Variants in PCDHA2 observed in about 807,000 individuals in gnomAD.
The protein encoded by PCDHA2 is protocadherin alpha-2.
Under a neutral mutation model 66.0 loss-of-function variants are expected in PCDHA2, and 58 were observed. The observed-to-expected ratio is 0.88, with a 90% confidence interval of 0.71 to 1.09. The LOEUF (loss-of-function observed/expected upper bound fraction) is 1.09. Among genes scored for constraint, PCDHA2 ranks in the 50% least tolerant of loss-of-function variants. The pLI is 0.00. For synonymous variants in PCDHA2, 634 were observed against 554.0 expected, an observed-to-expected ratio of 1.14 and a Z score of -2.03; for missense variants, 1,267 against 1,242.3, an observed-to-expected ratio of 1.02 and a Z score of -0.30.
intron 1 of PCDHA2, chr5:140,861,672 A>G (rs1581618530): frequency 4.0e-6 from 1 of 248,596 alleles, no homozygotes; most frequent in East Asian, 1.1e-4. Context: ...GCTCTTGATT[A>G]TCGTGTTTCA....
chr5:140,829,210 C>T (rs2150163892), intron 1 of PCDHA2: 28 of 1,614,110 alleles, frequency 1.7e-5, no homozygotes, highest in African/African-American at 6.7e-5. Flanking sequence ...CCCTAATTAG[C>T]GTGAACGACC....
intron 1 of PCDHA2, chr5:140,870,136 A>G: frequency 6.2e-7 from 1 of 1,614,024 alleles, no homozygotes; most frequent in Non-Finnish European, 8.5e-7. Flanking sequence ...CACCAACGAT[A>G]ACTCTCCTGA....
Position 140,857,604 on chromosome 5 carries a change from T to C in PCDHA2, c.2388+60252T>C, listed in dbSNP as rs1294714828. On this transcript the variant is annotated intron_variant, in intron 1 of 3. Transcript: ENST00000526136. ...GCGGAGAGCGGCAAGGTGTACGCGC[T>C]GCAGCCGCTGGACCACGAGGAGCTG... 5.0e-6 allele frequency: 8 copies of C among 1,596,244 alleles called. 1 individual carries two copies. Among genetic ancestry groups the C allele is most frequent in the Non-Finnish European group, 6.9e-6 (8 of 1,167,658 alleles).
rs782413772 is a variant in PCDHA2, at chr5:140,809,173, G to A, written c.2388+11821G>A. ...ACGGCGAGCCCGCGCTGACGGCCAC[G>A]GCCACTGTGCTGGTGTCACTTGTGG... On this transcript the variant is annotated intron_variant, in intron 1 of 3. Coordinates refer to ENST00000526136, the MANE Select transcript of PCDHA2 (RefSeq NM_018905.3). 4.3e-6 allele frequency: 7 copies of A among 1,613,974 alleles called. No homozygotes were observed. In the South Asian group the frequency reaches 6.6e-5, roughly 15 times the overall value.
At chr5:140,987,429 G>A (rs1402576200) in intron 3 of PCDHA2, among the ~76,000 whole-genome samples, 1 of 152,096 alleles carries the variant, frequency 6.6e-6, no homozygotes, top group Non-Finnish European at 1.5e-5. Context: ...GAAGCAGGGG[G>A]CCTTTCCCCA....
rs576230620 is a variant in PCDHA2 at position 140,948,680 on chromosome 5, T to C, written c.2389-30269T>C. 2.0e-5 allele frequency among the ~76,000 whole-genome samples: 3 copies of C among 151,762 alleles called. No homozygotes were observed. The South Asian group carries it at 6.2e-4, about 31-fold the overall frequency. On this transcript the variant is annotated intron_variant, in intron 1 of 3. Coordinates refer to ENST00000526136, the MANE Select transcript of PCDHA2 (RefSeq NM_018905.3). Reference sequence around the variant, plus strand: ...ATCTGTAGTGATAACATCTTTTTCATTTTTGATATTGGTGATTTGTGTTCT... The same window carrying C: ...ATCTGTAGTGATAACATCTTTTTCACTTTTGATATTGGTGATTTGTGTTCT...
intron 3 of PCDHA2, among the ~76,000 whole-genome samples, chr5:140,988,745 G>A (rs943188955): frequency 3.9e-5 from 6 of 152,152 alleles, no homozygotes; most frequent in Non-Finnish European, 5.9e-5. Flanking sequence ...TCTAGGATTG[G>A]TGGCCTGGGC....
chr5:140,851,225 C>G, intron 1 of PCDHA2: 4 of 1,141,878 alleles, frequency 3.5e-6, no homozygotes, highest in Non-Finnish European at 3.3e-6. Context: ...ACATCACTAT[C>G]ATTTATTTAT....
chr5:140,828,490 C>T (rs1338028540), intron 1 of PCDHA2: 1 of 1,614,054 alleles, frequency 6.2e-7, no homozygotes, highest in Non-Finnish European at 8.5e-7. Context: ...CGCCCTTGTT[C>T]CCGGTAGAGG....
At chr5:140,995,653 G>A (rs964259982) in intron 3 of PCDHA2, among the ~76,000 whole-genome samples, 1 of 152,100 alleles carries the variant, frequency 6.6e-6, no homozygotes, top group Non-Finnish European at 1.5e-5. Context: ...AAGGAGAATC[G>A]AAAAGGGAAG....
At position 140,804,926 on chromosome 5, in the gene PCDHA2, A is replaced by G. The variant is rs1763480096; in HGVS notation, c.2388+7574A>G. 5.8e-6 allele frequency: 6 copies of G among 1,032,312 alleles called. No homozygotes were observed. In the East Asian group the frequency reaches 1.8e-4, roughly 30 times the overall value. 63.9% of individuals were successfully genotyped at this position (1,032,312 alleles called of 1,614,324 possible). A position where few individuals can be genotyped will look rare whatever the true frequency, so the allele number is the denominator to read the frequency against. On this transcript the variant is annotated intron_variant, in intron 1 of 3. Transcript: ENST00000526136. Reference sequence around the variant, plus strand: ...CATTTTCTTTATTTCCTTTTTTGGCACTATCCTTTGTTGCTCCCTTGTCCA... The same window carrying G: ...CATTTTCTTTATTTCCTTTTTTGGCGCTATCCTTTGTTGCTCCCTTGTCCA...
chr5:140,910,055 T>A (rs1554194090), intron 1 of PCDHA2, among the ~76,000 whole-genome samples: 1 of 152,218 alleles, frequency 6.6e-6, no homozygotes, highest in Non-Finnish European at 1.5e-5. Flanking sequence ...TAATAAGTGA[T>A]CTTTTAACAG....
At chr5:140,837,445 G>A (rs1228498805) in intron 1 of PCDHA2, among the ~76,000 whole-genome samples, 1 of 151,888 alleles carries the variant, frequency 6.6e-6, no homozygotes, top group Non-Finnish European at 1.5e-5. Context: ...CTAGTACGTA[G>A]TAAAAAATCT....
At chr5:140,837,346 A>G (rs1387832105) in intron 1 of PCDHA2, among the ~76,000 whole-genome samples, 2 of 152,056 alleles carry the variant, frequency 1.3e-5, no homozygotes, top group African/African-American at 2.4e-5. Context: ...AATTTAAAAT[A>G]GTTTAAATGG....
chr5:140,830,617 T>C, intron 1 of PCDHA2: 1 of 601,712 alleles, frequency 1.7e-6, no homozygotes, highest in Non-Finnish European at 2.5e-6. Context: ...CATTTTATTG[T>C]GTTTCTTATT....
intron 1 of PCDHA2, chr5:140,835,887 C>G (rs1554135389): frequency 1.2e-6 from 2 of 1,611,898 alleles, no homozygotes; most frequent in Non-Finnish European, 1.7e-6. Flanking sequence ...GGTGGGCGAG[C>G]GCGCGCTGTC....
intron 1 of PCDHA2, chr5:140,828,273 C>A (rs2150153408): frequency 2.5e-6 from 4 of 1,614,046 alleles, no homozygotes; most frequent in South Asian, 1.1e-5. Flanking sequence ...GAGCTGGTGC[C>A]GCGCCTGTTC....
intron 1 of PCDHA2, among the ~76,000 whole-genome samples, chr5:140,913,735 G>A (rs1416656981): frequency 6.6e-6 from 1 of 151,834 alleles, no homozygotes; most frequent in Non-Finnish European, 1.5e-5. Context: ...CCCTCTAATA[G>A]TACTCCTTTT....
intron 1 of PCDHA2, chr5:140,824,115 C>A: frequency 6.2e-7 from 1 of 1,613,930 alleles, no homozygotes; most frequent in South Asian, 1.1e-5. Context: ...AGGGTCCCAC[C>A]TCTACAGACA....
Sources: allele counts gnomAD v4.1 joint callset (sites outside exome capture counted in the v4.1 genomes callset), GRCh38; gene constraint gnomAD v4.1.1; transcripts MANE v1.5; gene names NCBI Gene and HGNC (gene_info 2026-07-23, HGNC 2026-07-21).